Variants in SLC8B1 observed in about 807,000 individuals in gnomAD.
SLC8B1 encodes mitochondrial sodium/calcium exchanger protein.
Under a neutral mutation model 63.4 loss-of-function variants are expected in SLC8B1, and 52 were observed. The ratio of observed to expected loss-of-function variants is 0.82; its 90% CI spans 0.66 to 1.03. SLC8B1 has a LOEUF of 1.03. Ranked by LOEUF, SLC8B1 falls within the 50% of genes least tolerant of loss-of-function variation. The pLI, the probability that SLC8B1 is intolerant of heterozygous loss-of-function variation, is 0.00. For missense variants in SLC8B1, 657 were observed against 741.7 expected, an observed-to-expected ratio of 0.89 and a Z score of 1.33; for synonymous variants, 336 against 323.9, an observed-to-expected ratio of 1.04 and a Z score of -0.40.
At position 113,303,065 on chromosome 12, in the gene SLC8B1, C is replaced by CGT. The variant is rs200151059; in HGVS notation, c.1557+1255_1557+1256insAC. On this transcript the variant is annotated intron_variant, in intron 15 of 15. Coordinates refer to ENST00000680972, the MANE Select transcript of SLC8B1 (RefSeq NM_001358345.2). Reference sequence around the variant, plus strand: ...CACAAAGGTGGTAGACACACACACACACACGTACACACACACACACACTTC... The same window carrying CGT: ...CACAAAGGTGGTAGACACACACACACGTACACGTACACACACACACACACTTC... Among the ~76,000 whole-genome samples, 56 of 137,844 alleles carry CGT rather than the reference C, an allele frequency of 4.1e-4. 1 individual carries two copies. In the East Asian group the frequency reaches 4.3e-3, roughly 11 times the overall value. The allele number at this position is 137,844 out of a possible 152,430, so 90.4% of individuals were successfully genotyped here.
intron 2 of SLC8B1, among the ~76,000 whole-genome samples, chr12:113,323,065 G>C (rs1956953422): frequency 6.6e-6 from 1 of 152,200 alleles, no homozygotes; most frequent in African/African-American, 2.4e-5. Flanking sequence ...GGAGGCAAGG[G>C]AGCTGGGATA....
intron 2 of SLC8B1, among the ~76,000 whole-genome samples, chr12:113,329,002 C>T (rs1337339501): frequency 1.3e-5 from 2 of 152,066 alleles, no homozygotes; most frequent in African/African-American, 4.8e-5. Context: ...CCACCTGCCT[C>T]GGCCTCCCAA....
In SLC8B1 at chr12:113,304,354, CA is replaced by C. The variant is rs1312955225; in HGVS notation, c.1523del (p.Leu508ArgfsTer11). 1 of 1,613,902 alleles carries C rather than the reference CA, an allele frequency of 6.2e-7. No individual in the cohort carries two copies. The highest frequency in any genetic ancestry group is 1.7e-5 in the Admixed American group (1 of 60,002). On this transcript the variant is annotated frameshift_variant, in exon 15 of 16. Coordinates refer to ENST00000680972, the MANE Select transcript of SLC8B1 (RefSeq NM_001358345.2). LOFTEE classifies it high-confidence loss of function. ...CTGTGTGGCTTCGGGAGATCTGGAG[CA>C]GGCAGCCCAGCCCCACACCCACGAG... The part of the protein sequence containing the change: ...NILVGVGLGC[L>X]LQISRSHTEV...
rs140107739 is a variant in SLC8B1 at position 113,319,561 on chromosome 12, C to G, written c.695-490G>C. Among the ~76,000 whole-genome samples the G allele has an allele frequency of 5.3e-5, 8 of 152,302 alleles. No homozygotes were observed. The East Asian group carries it at 5.8e-4, about 11-fold the overall frequency. ...CAACTCTCACTGGGCTCCACCACCC[C>G]CTTCCCTGCCCCTGCTGCCACGAGG... On this transcript the variant is annotated intron_variant, in intron 7 of 15. Coordinates refer to ENST00000680972, the MANE Select transcript of SLC8B1 (RefSeq NM_001358345.2).
At chr12:113,304,406 C>T (rs1201841986) in intron 14 of SLC8B1, 21 bp from the exon 15 acceptor site, 9 of 1,612,718 alleles carry the variant, frequency 5.6e-6, no homozygotes, top group Non-Finnish European at 7.6e-6. Context: ...GCTCAGGAAG[C>T]TTTGCTGGAA....
At chr12:113,315,192 G>A (rs1956817493) in intron 11 of SLC8B1, 143 bp downstream of exon 11, 3 of 810,614 alleles carry the variant, frequency 3.7e-6, no homozygotes, top group East Asian at 3.0e-5. Context: ...GGGCTTAGAT[G>A]GGATGATTGC....
In SLC8B1 at chr12:113,315,352, G is replaced by T; in HGVS notation, c.1118C>A (p.Thr373Asn). 1 of 1,550,066 alleles carries T rather than the reference G, an allele frequency of 6.5e-7. No homozygotes were observed. The highest frequency in any genetic ancestry group is 8.7e-7 in the Non-Finnish European group (1 of 1,146,178). The change falls in exon 11 of 16, where the codon ACC (threonine) becomes AAC (asparagine). Residue 373 changes from threonine to asparagine, a missense_variant. By Grantham distance (65) the Thr-to-Asn change is moderately conservative. Coordinates refer to ENST00000680972, the MANE Select transcript of SLC8B1 (RefSeq NM_001358345.2). ...LVISPLVVVL[T>N]LQSGTYGVYE... ...ATACTCACAGGTCCCCGACTGCAGG[G>T]TCAGGACCACAACCAGGGGGCTGAT... is the stretch of plus-strand genomic sequence containing the variant.
At chr12:113,322,323 T>C (rs1194863306) in intron 2 of SLC8B1, among the ~76,000 whole-genome samples, 5 of 152,128 alleles carry the variant, frequency 3.3e-5, no homozygotes, top group Non-Finnish European at 4.4e-5. Flanking sequence ...ACCCAGGCAG[T>C]TTTAGGCTCT....
chr12:113,324,730 GTCTCACTCTGTCGCCTAGGC>G (rs1445487811), intron 2 of SLC8B1, among the ~76,000 whole-genome samples: 2 of 150,484 alleles, frequency 1.3e-5, no homozygotes, highest in African/African-American at 4.9e-5. Context: ...TTGAGACAGA[GTCTCACTCTGTCGCCTAGGC>G]TGGAGTGCAG....
intron 12 of SLC8B1, chr12:113,308,525 C>G (rs1332931471): frequency 6.6e-6 from 1 of 152,230 alleles, no homozygotes; most frequent in Non-Finnish European, 1.5e-5. Context: ...TAGCCCCACC[C>G]CACCAGCCCA....
At position 113,317,010 on chromosome 12, in the gene SLC8B1, G is replaced by C; in HGVS notation, c.803-9C>G. ...GGAGTCTGAGAGGATCTCTGCAGGA[G>C]AGAGGCCCAGTTACATACAGAACCC... On this transcript the variant is annotated splice_polypyrimidine_tract_variant and intron_variant, in intron 8 of 15. Transcript: ENST00000680972. 6.2e-7 allele frequency: 1 copy of C among 1,611,186 alleles called. No individual in the cohort carries two copies. Among genetic ancestry groups the C allele is most frequent in the Non-Finnish European group, 8.5e-7 (1 of 1,178,886 alleles).
At chr12:113,323,075 A>G (rs1373605408) in intron 2 of SLC8B1, among the ~76,000 whole-genome samples, 1 of 152,198 alleles carries the variant, frequency 6.6e-6, no homozygotes, top group Non-Finnish European at 1.5e-5. Context: ...GAGCTGGGAT[A>G]TTTATACACC....
At chr12:113,306,659 G>A (rs1431403508) in intron 13 of SLC8B1, 84 bp from the exon 14 acceptor site, 2 of 1,156,404 alleles carry the variant, frequency 1.7e-6, no homozygotes, top group African/African-American at 1.5e-5. Flanking sequence ...CTCACCCACG[G>A]TCATTCAGGC....
At position 113,319,085 on chromosome 12, in the gene SLC8B1, G is replaced by A. The variant is rs1956884557; in HGVS notation, c.695-14C>T. Reference sequence around the variant, plus strand: ...AGCCCAGGTAACCTGCAGACGGGGTGCACGCCGTCACCAAGTGGTGTCCTG... The same window carrying A: ...AGCCCAGGTAACCTGCAGACGGGGTACACGCCGTCACCAAGTGGTGTCCTG... On this transcript the variant is annotated splice_polypyrimidine_tract_variant and intron_variant, in intron 7 of 15. Transcript: ENST00000680972. 1 of 1,601,606 alleles carries A rather than the reference G, an allele frequency of 6.2e-7. No individual in the cohort carries two copies. The highest frequency in any genetic ancestry group is 1.3e-5 in the African/African-American group (1 of 74,714).
intron 11 of SLC8B1, among the ~76,000 whole-genome samples, chr12:113,312,545 TG>T (rs984420452): frequency 9.9e-5 from 15 of 152,170 alleles, no homozygotes; most frequent in Non-Finnish European, 1.8e-4. Context: ...TGGAGGCTGC[TG>T]CTCGGGAGGC....
In SLC8B1 at chr12:113,299,911, A is replaced by T. The variant is rs759264877; in HGVS notation, c.1621T>A (p.Ser541Thr). ...CACTGCAATGGGACTGAGACCAGGGAGAAGACGAGGCTGAGCCCCAGGGCG... is the reference window on the plus strand; with the variant it reads ...CACTGCAATGGGACTGAGACCAGGGTGAAGACGAGGCTGAGCCCCAGGGCG... ...AGALGLSLVF[S>T]LVSVPLQCFQ... Residue 541 changes from serine (S) to threonine (T), a missense_variant, in exon 16 of 16, where the codon TCC becomes ACC. Ser to Thr is a moderately conservative substitution (Grantham distance 58). Transcript: ENST00000680972. 4 of 1,614,066 alleles carry T rather than the reference A, an allele frequency of 2.5e-6. No individual in the cohort carries two copies. The South Asian group carries it at 4.4e-5, about 18-fold the overall frequency.
At chr12:113,314,683 C>T (rs574435451) in intron 11 of SLC8B1, among the ~76,000 whole-genome samples, 27 of 152,282 alleles carry the variant, frequency 1.8e-4, no homozygotes, top group Admixed American at 9.8e-4. Context: ...AGGGGGTGCC[C>T]CTTCTCTGCT....
chr12:113,308,215 A>T (rs1051328510), intron 12 of SLC8B1: 1 of 204,194 alleles, frequency 4.9e-6, no homozygotes, highest in African/African-American at 2.4e-5. Flanking sequence ...GGCTGGTGTC[A>T]CACACCTGTA....
At chr12:113,324,559 G>A (rs558459482) in intron 2 of SLC8B1, among the ~76,000 whole-genome samples, 1 of 149,374 alleles carries the variant, frequency 6.7e-6, no homozygotes, top group East Asian at 2.0e-4. Flanking sequence ...GGTGCCCACC[G>A]ACACGCCCGG....
Sources: allele counts gnomAD v4.1 joint callset (sites outside exome capture counted in the v4.1 genomes callset), GRCh38; gene constraint gnomAD v4.1.1; transcripts MANE v1.5; gene names NCBI Gene and HGNC (gene_info 2026-07-23, HGNC 2026-07-21).